The following ERC1 variants were observed in gnomAD, a reference collection of about 807,000 sequenced individuals.
The protein encoded by ERC1 is RAB6 interacting protein 2.
In ERC1, 56 loss-of-function variants were observed where a neutral mutation model predicts 132.0. That is an observed-to-expected ratio of 0.42 (90% confidence interval 0.34 to 0.53). ERC1 has a LOEUF of 0.53. Among genes scored for constraint, ERC1 ranks in the 20% least tolerant of loss-of-function variants. The probability of loss-of-function intolerance (pLI) is 0.03; values close to 1 mark genes in which losing one functional copy is unlikely to be tolerated. For missense variants in ERC1, 1,202 were observed against 1,349.9 expected, an observed-to-expected ratio of 0.89 and a Z score of 1.72; for synonymous variants, 478 against 476.1, an observed-to-expected ratio of 1.00 and a Z score of -0.05.
intron 15 of ERC1, among the ~76,000 whole-genome samples, chr12:1,355,856 A>T (rs1812233152): frequency 2.0e-5 from 3 of 152,164 alleles, no homozygotes; most frequent in Admixed American, 6.5e-5. Context: ...CAGCTTCAGA[A>T]ATGGGAAAAA....
chr12:1,027,087 C>T (rs1376330666), intron 1 of ERC1, among the ~76,000 whole-genome samples: 1 of 152,054 alleles, frequency 6.6e-6, no homozygotes. Context: ...TAGTTTTTTT[C>T]CCCCAAAATT....
intron 1 of ERC1, among the ~76,000 whole-genome samples, chr12:1,002,373 G>A (rs1288858686): frequency 6.8e-5 from 10 of 147,450 alleles, no homozygotes; most frequent in Non-Finnish European, 8.9e-5. Flanking sequence ...TTTTTGTAGA[G>A]ATGGAGTTTT....
chr12:1,180,003 A>G (rs547410013), intron 8 of ERC1, among the ~76,000 whole-genome samples: 1 of 152,358 alleles, frequency 6.6e-6, no homozygotes, highest in Admixed American at 6.5e-5. Flanking sequence ...TGCTGCTTAG[A>G]TAAAAGATGG....
At chr12:1,433,387 T>G (rs2154404445) in intron 17 of ERC1, among the ~76,000 whole-genome samples, 1 of 152,324 alleles carries the variant, frequency 6.6e-6, no homozygotes, top group East Asian at 1.9e-4. Context: ...ATGTTTTAAG[T>G]AGCGTGTTAA....
chr12:1,275,355 G>C (rs1350580000), intron 14 of ERC1, among the ~76,000 whole-genome samples: 2 of 152,090 alleles, frequency 1.3e-5, no homozygotes, highest in Non-Finnish European at 2.9e-5. Flanking sequence ...GGGCGTGGTG[G>C]TGCACGCCTG....
At chr12:995,757 G>T (rs1960702342) in intron 1 of ERC1, among the ~76,000 whole-genome samples, 1 of 152,124 alleles carries the variant, frequency 6.6e-6, no homozygotes, top group African/African-American at 2.4e-5. Flanking sequence ...AGGCATTGGG[G>T]ATATAAACCT....
chr12:1,349,660 T>TAAAA lies in ERC1; in HGVS notation c.2781-22156_2781-22153dup, dbSNP rs57752848. On this transcript the variant is annotated intron_variant, in intron 15 of 18. Coordinates refer to ENST00000360905, the MANE Select transcript of ERC1 (RefSeq NM_178040.4). ...ACCTGGACGACAGAGTGAGACCGTC[T>TAAAA]AAAAAAAAAAAAAAAAAAAAGTTAT... is the stretch of plus-strand genomic sequence containing the variant. Among the ~76,000 whole-genome samples, 239 of 107,586 alleles carry TAAAA rather than the reference T, an allele frequency of 2.2e-3. 1 individual carries two copies. The highest frequency in any genetic ancestry group is 6.8e-3 in the African/African-American group (206 of 30,470). The allele number at this position is 107,586 out of a possible 152,430, so 70.6% of individuals were successfully genotyped here. A position where few individuals can be genotyped will look rare whatever the true frequency, so the allele number is the denominator to read the frequency against.
At position 1,106,226 on chromosome 12, in the gene ERC1, C is replaced by G. The variant is rs150114800; in HGVS notation, c.1161+1402C>G. On this transcript the variant is annotated intron_variant, in intron 4 of 18. Transcript: ENST00000360905. The stretch of plus-strand genomic sequence containing the variant: ...AAATTAGTTAAAACATGTAAAAACA[C>G]TTTGAACAGGACCTAGCGCATAGTA... Among the ~76,000 whole-genome samples, 39 of 152,264 alleles carry G rather than the reference C, an allele frequency of 2.6e-4. No homozygotes were observed. The East Asian group carries it at 5.6e-3, about 22-fold the overall frequency.
intron 18 of ERC1, among the ~76,000 whole-genome samples, chr12:1,445,222 ATTT>A (rs137864873): frequency 3.3e-5 from 3 of 90,722 alleles, no homozygotes; most frequent in Admixed American, 1.2e-4. Flanking sequence ...TGTACAGTAG[ATTT>A]TTTTTTTTTT....
chr12:1,216,773 G>A (rs1052935990), intron 12 of ERC1, among the ~76,000 whole-genome samples: 12 of 152,124 alleles, frequency 7.9e-5, no homozygotes, highest in African/African-American at 2.4e-4. Flanking sequence ...ACCACTATAT[G>A]TCTGACTTCT....
At chr12:1,292,255 G>A (rs2079507244) in intron 15 of ERC1, among the ~76,000 whole-genome samples, 1 of 152,170 alleles carries the variant, frequency 6.6e-6, no homozygotes, top group South Asian at 2.1e-4. Flanking sequence ...GGTTTGTTCA[G>A]GGAAGGGGTG....
intron 8 of ERC1, among the ~76,000 whole-genome samples, chr12:1,143,482 A>G (rs946025980): frequency 1.3e-5 from 2 of 151,822 alleles, no homozygotes; most frequent in Non-Finnish European, 2.9e-5. Context: ...AGTGATATTG[A>G]TCTGTCTGTA....
intron 15 of ERC1, among the ~76,000 whole-genome samples, chr12:1,292,114 C>T (rs1445999556): frequency 1.3e-5 from 2 of 152,156 alleles, no homozygotes; most frequent in African/African-American, 4.8e-5. Flanking sequence ...CTAGTTCATT[C>T]GACACTGCCC....
Position 1,183,397 on chromosome 12 carries a change from GA to G in ERC1, c.2137del (p.Met713TrpfsTer5). The G allele has an allele frequency of 1.9e-6, 3 of 1,574,680 alleles. No individual in the cohort carries two copies. The highest frequency in any genetic ancestry group is 1.7e-4 in the Middle Eastern group (1 of 5,882). The part of the protein sequence containing the change: ...ALEQKKEECL[K>X]MESQLKKAHE... ...TGGAGCAGAAGAAGGAGGAGTGTCT[GA>G]AAATGGAATCACAATTGAAAAAGGT... On this transcript the variant is annotated frameshift_variant, in exon 11 of 19. Coordinates refer to ENST00000360905, the MANE Select transcript of ERC1 (RefSeq NM_178040.4). LOFTEE classifies it high-confidence loss of function.
intron 18 of ERC1, among the ~76,000 whole-genome samples, chr12:1,447,826 T>C (rs899892257): frequency 1.3e-5 from 2 of 151,890 alleles, no homozygotes; most frequent in African/African-American, 4.8e-5. Context: ...ATTTTTTGTA[T>C]TTTAGTAGAG....
chr12:1,243,257 G>A (rs1434864547), intron 13 of ERC1, among the ~76,000 whole-genome samples: 4 of 151,952 alleles, frequency 2.6e-5, no homozygotes, highest in Non-Finnish European at 2.9e-5. Context: ...GCGAAGATGT[G>A]CATAGATTAT....
intron 12 of ERC1, among the ~76,000 whole-genome samples, chr12:1,222,506 C>T (rs1297010365): frequency 6.6e-6 from 1 of 152,158 alleles, no homozygotes; most frequent in Non-Finnish European, 1.5e-5. Context: ...TGAGCCACCA[C>T]ACCTGGCCCA....
chr12:1,233,129 G>C (rs1011380084), intron 12 of ERC1, among the ~76,000 whole-genome samples: 4 of 152,116 alleles, frequency 2.6e-5, no homozygotes, highest in Non-Finnish European at 5.9e-5. Context: ...GAAGAGACCA[G>C]GCTGTCACTG....
chr12:1,130,864 G>A (rs962189306), intron 7 of ERC1, among the ~76,000 whole-genome samples: 4 of 152,132 alleles, frequency 2.6e-5, no homozygotes, highest in African/African-American at 9.7e-5. Context: ...TGGGAACAAT[G>A]GGAAATGCAG....
Sources: allele counts gnomAD v4.1 joint callset (sites outside exome capture counted in the v4.1 genomes callset), GRCh38; gene constraint gnomAD v4.1.1; transcripts MANE v1.5; gene names NCBI Gene and HGNC (gene_info 2026-07-23, HGNC 2026-07-21).